MGAT4C: variants seen among roughly 807,000 people sequenced by gnomAD.
The protein encoded by MGAT4C is alpha-1,3-mannosyl-glycoprotein 4-beta-N-acetylglucosaminyltransferase C.
In MGAT4C, 19 loss-of-function variants were observed where a neutral mutation model predicts 40.1. The ratio of observed to expected loss-of-function variants is 0.47; its 90% CI spans 0.33 to 0.70. The LOEUF (loss-of-function observed/expected upper bound fraction) is 0.70. MGAT4C is among the 30% of genes least tolerant of loss of function. MGAT4C has a pLI of 0.02. For missense variants in MGAT4C, 491 were observed against 563.2 expected (o/e 0.87, Z 1.30); for synonymous variants, 181 against 187.1 (o/e 0.97, Z 0.27).
chr12:86,209,884 C>A (rs762095987), intron 1 of MGAT4C, among the ~76,000 whole-genome samples: 1 of 152,096 alleles, frequency 6.6e-6, no homozygotes, highest in Admixed American at 6.6e-5. Context: ...ACAAAAACAA[C>A]CCCTTAGGTA....
chr12:86,827,284 G>T (rs998404505), intron 1 of MGAT4C, among the ~76,000 whole-genome samples: 1 of 151,372 alleles, frequency 6.6e-6, no homozygotes, highest in Non-Finnish European at 1.5e-5. Flanking sequence ...AAATCCTTTT[G>T]CTCCTGGTGC....
chr12:86,763,548 G>A (rs1294802718), intron 1 of MGAT4C, among the ~76,000 whole-genome samples: 1 of 152,068 alleles, frequency 6.6e-6, no homozygotes, highest in Non-Finnish European at 1.5e-5. Context: ...TATCACCAAT[G>A]TCCATATCTA....
chr12:86,490,697 A>C (rs1958115344), intron 2 of MGAT4C, among the ~76,000 whole-genome samples: 1 of 152,192 alleles, frequency 6.6e-6, no homozygotes, highest in Non-Finnish European at 1.5e-5. Flanking sequence ...CATAGGCTCA[A>C]AATAAAAGGA....
At chr12:86,405,318 G>A (rs141420756) in intron 3 of MGAT4C, among the ~76,000 whole-genome samples, 67 of 151,994 alleles carry the variant, frequency 4.4e-4, no homozygotes, top group African/African-American at 1.4e-3. Context: ...AACAGCAGAA[G>A]TCAATTATAT....
At position 86,199,963 on chromosome 12, in the gene MGAT4C, A is replaced by G. The variant is rs140866315; in HGVS notation, c.-57+56276T>C. Among the ~76,000 whole-genome samples, 488 of 152,142 alleles carry G rather than the reference A, an allele frequency of 3.2e-3. 1 individual carries two copies. Among genetic ancestry groups the G allele is most frequent in the African/African-American group, 0.011 (453 of 41,556 alleles). On this transcript the variant is annotated intron_variant, in intron 1 of 4. Transcript: ENST00000611864. ...ACATGAATGCACAGTACAAGTAATA[A>G]CCAAATCAGAATATAGAACATTTCC...
intron 2 of MGAT4C, among the ~76,000 whole-genome samples, chr12:86,446,385 A>G (rs184560932): frequency 1.4e-4 from 21 of 151,934 alleles, no homozygotes; most frequent in Admixed American, 1.2e-3. Flanking sequence ...GGAATACACC[A>G]TTATAGCACA....
At chr12:86,395,141 C>T (rs1956236227) in intron 3 of MGAT4C, among the ~76,000 whole-genome samples, 1 of 151,946 alleles carries the variant, frequency 6.6e-6, no homozygotes, top group African/African-American at 2.4e-5. Flanking sequence ...AAAGATGGAA[C>T]ATAATAAATG....
upstream of MGAT4C, among the ~76,000 whole-genome samples, chr12:86,258,969 G>A (rs537009312): frequency 3.3e-5 from 5 of 151,790 alleles, no homozygotes; most frequent in South Asian, 1.0e-3. Flanking sequence ...TATTTATTAG[G>A]ACAGAATTTA....
intron 2 of MGAT4C, among the ~76,000 whole-genome samples, chr12:86,578,303 C>G (rs1000395836): frequency 2.7e-4 from 41 of 151,816 alleles, no homozygotes; most frequent in African/African-American, 9.7e-4. Context: ...ATAGACTTCA[C>G]CTACCTTCTG....
intron 2 of MGAT4C, among the ~76,000 whole-genome samples, chr12:86,476,231 A>G (rs908358417): frequency 6.6e-5 from 10 of 152,242 alleles, no homozygotes; most frequent in African/African-American, 2.4e-4. Flanking sequence ...AGGAGCTTAA[A>G]CAATTGAACA....
chr12:85,984,864 C>T (rs924050304), intron 3 of MGAT4C, among the ~76,000 whole-genome samples: 5 of 152,164 alleles, frequency 3.3e-5, no homozygotes, highest in Admixed American at 1.3e-4. Context: ...CTATAACCTC[C>T]GCCTCCTAGG....
intron 2 of MGAT4C, among the ~76,000 whole-genome samples, chr12:86,021,381 A>G (rs1168434758): frequency 4.6e-5 from 7 of 152,062 alleles, no homozygotes; most frequent in African/African-American, 1.7e-4. Flanking sequence ...AATGTGGCAC[A>G]TATACACCAT....
chr12:86,152,641 C>T (rs540431131), intron 1 of MGAT4C, among the ~76,000 whole-genome samples: 2 of 152,166 alleles, frequency 1.3e-5, no homozygotes, highest in African/African-American at 4.8e-5. Flanking sequence ...CAGGGCTACT[C>T]TATTCATAGA....
At chr12:86,765,197 G>T (rs900145555) in intron 1 of MGAT4C, among the ~76,000 whole-genome samples, 3 of 152,182 alleles carry the variant, frequency 2.0e-5, no homozygotes, top group Admixed American at 2.0e-4. Flanking sequence ...GAAAGCCAAG[G>T]CTCGAGAACT....
At chr12:86,304,584 T>C (rs1041736940) in intron 4 of MGAT4C, among the ~76,000 whole-genome samples, 1 of 150,804 alleles carries the variant, frequency 6.6e-6, no homozygotes, top group African/African-American at 2.5e-5. Flanking sequence ...CCAAATGTCA[T>C]GCATCCTATT....
chr12:86,645,590 T>C (rs1273011186), intron 2 of MGAT4C, among the ~76,000 whole-genome samples: 1 of 151,778 alleles, frequency 6.6e-6, no homozygotes, highest in Non-Finnish European at 1.5e-5. Context: ...TCTGCAAAGT[T>C]TAAAATCTTA....
intron 3 of MGAT4C, among the ~76,000 whole-genome samples, chr12:86,431,423 C>T (rs556891323): frequency 6.6e-6 from 1 of 152,104 alleles, no homozygotes; most frequent in Non-Finnish European, 1.5e-5. Context: ...CATGGTAAAA[C>T]CTAATCAAAT....
At chr12:86,617,989 AC>A (rs1962510486) in intron 2 of MGAT4C, among the ~76,000 whole-genome samples, 1 of 152,186 alleles carries the variant, frequency 6.6e-6, no homozygotes, top group Non-Finnish European at 1.5e-5. Flanking sequence ...TAGCAAAAAA[AC>A]AAATAATCCC....
At chr12:86,774,317 T>TTCTTTCTTTC (rs1565981501) in intron 1 of MGAT4C, among the ~76,000 whole-genome samples, 1 of 66,414 alleles carries the variant, frequency 1.5e-5, no homozygotes, top group Non-Finnish European at 3.4e-5. Flanking sequence ...CTTTCTTTCT[T>TTCTTTCTTTC]TCTTTCTTTC....
Sources: allele counts gnomAD v4.1 joint callset (sites outside exome capture counted in the v4.1 genomes callset), GRCh38; gene constraint gnomAD v4.1.1; transcripts MANE v1.5; gene names NCBI Gene and HGNC (gene_info 2026-07-23, HGNC 2026-07-21).